The following ARL15 variants were observed in gnomAD, a reference collection of about 807,000 sequenced individuals.
The protein encoded by ARL15 is ARF like GTPase 15, also known as ADP-ribosylation factor-like protein 15.
A neutral mutation model predicts 25.2 loss-of-function variants in ARL15; 19 were observed. The observed-to-expected ratio is 0.75, with a 90% CI of 0.53 to 1.10. The LOEUF is 1.10. Among genes scored for constraint, ARL15 ranks in the 50% least tolerant of loss-of-function variants. The pLI, the probability that ARL15 is intolerant of heterozygous loss-of-function variation, is 0.00. For missense variants in ARL15, 220 were observed against 246.0 expected, an observed-to-expected ratio of 0.89 and a Z score of 0.71; for synonymous variants, 94 against 86.8, an observed-to-expected ratio of 1.08 and a Z score of -0.46.
At chr5:53,956,294 C>T (rs1433577648) in intron 4 of ARL15, among the ~76,000 whole-genome samples, 1 of 151,670 alleles carries the variant, frequency 6.6e-6, no homozygotes, top group African/African-American at 2.4e-5. Context: ...ACAGCTGCAG[C>T]TTACAGCAAA....
rs543949208 is a variant in ARL15, at chr5:54,048,795, GA to G, written c.462+64406del. Among the ~76,000 whole-genome samples the G allele has an allele frequency of 1.3e-3, 175 of 139,572 alleles. 1 individual carries two copies. Among genetic ancestry groups the G allele is most frequent in the African/African-American group, 3.0e-3 (117 of 38,730 alleles). The allele number at this position is 139,572 out of a possible 152,430, so 91.6% of individuals were successfully genotyped here. ...TATTACCAGGTTGACTATGCTATAG[GA>G]AAAAAAAAAAAAACAACAGTCCGAC... On this transcript the variant is annotated intron_variant, in intron 4 of 4. Coordinates refer to ENST00000504924, the MANE Select transcript of ARL15 (RefSeq NM_019087.3).
intron 1 of ARL15, among the ~76,000 whole-genome samples, chr5:54,174,243 T>C (rs1754801228): frequency 6.6e-6 from 1 of 152,056 alleles, no homozygotes; most frequent in African/African-American, 2.4e-5. Context: ...AAAGAAAACA[T>C]AGAGACTAAC....
At chr5:54,134,625 G>A (rs936217474) in intron 3 of ARL15, among the ~76,000 whole-genome samples, 6 of 110,012 alleles carry the variant, frequency 5.5e-5, no homozygotes, top group South Asian at 6.5e-4. Context: ...TTGCTCTCTC[G>A]CCAGGCTGGA....
At chr5:53,991,560 AAGG>A (rs1561179575) in intron 4 of ARL15, among the ~76,000 whole-genome samples, 1 of 131,430 alleles carries the variant, frequency 7.6e-6, no homozygotes, top group Non-Finnish European at 1.6e-5. Flanking sequence ...AAAAAAAAAA[AAGG>A]GGGGGCGGGG....
intron 1 of ARL15, among the ~76,000 whole-genome samples, chr5:54,225,229 AG>A (rs1167795448): frequency 5.3e-5 from 8 of 152,222 alleles, no homozygotes; most frequent in Admixed American, 2.0e-4. Context: ...AGGTTTAAAA[AG>A]AGACTGAAAA....
At chr5:53,921,861 C>T (rs1355346420) in intron 4 of ARL15, among the ~76,000 whole-genome samples, 1 of 152,210 alleles carries the variant, frequency 6.6e-6, no homozygotes, top group Non-Finnish European at 1.5e-5. Flanking sequence ...TTGACAATCA[C>T]TATGTGCCAT....
At chr5:54,197,123 G>T (rs531259581) in intron 1 of ARL15, among the ~76,000 whole-genome samples, 10 of 148,526 alleles carry the variant, frequency 6.7e-5, no homozygotes, top group South Asian at 2.2e-4. Flanking sequence ...TTTTCAGTTT[G>T]TTTTTTTTTT....
chr5:53,913,207 G>A (rs1745522337), intron 4 of ARL15, among the ~76,000 whole-genome samples: 1 of 152,208 alleles, frequency 6.6e-6, no homozygotes, highest in Non-Finnish European at 1.5e-5. Context: ...GGAGGCTGAG[G>A]TGGGAGGATT....
chr5:53,906,230 A>C (rs1483116332), intron 4 of ARL15, among the ~76,000 whole-genome samples: 2 of 152,220 alleles, frequency 1.3e-5, no homozygotes, highest in Non-Finnish European at 2.9e-5. Flanking sequence ...GTAGTAACCT[A>C]CTTACAGGTT....
chr5:53,896,326 G>A (rs1373853842), intron 4 of ARL15, among the ~76,000 whole-genome samples: 3 of 152,018 alleles, frequency 2.0e-5, no homozygotes, highest in Admixed American at 6.6e-5. Flanking sequence ...GAGCCACCAC[G>A]CCCAGCCTAT....
intron 4 of ARL15, among the ~76,000 whole-genome samples, chr5:53,998,358 C>A (rs966405028): frequency 6.6e-6 from 1 of 151,958 alleles, no homozygotes; most frequent in Non-Finnish European, 1.5e-5. Flanking sequence ...GACTGGCTGG[C>A]CTCAGCCCTT....
chr5:54,000,356 C>T (rs1306048205), intron 4 of ARL15, among the ~76,000 whole-genome samples: 2 of 152,130 alleles, frequency 1.3e-5, no homozygotes, highest in Non-Finnish European at 2.9e-5. Flanking sequence ...AATAAATGGA[C>T]ATCACGTCTG....
intron 4 of ARL15, among the ~76,000 whole-genome samples, chr5:54,106,623 T>C (rs958190417): frequency 2.0e-5 from 3 of 152,210 alleles, no homozygotes; most frequent in Non-Finnish European, 2.9e-5. Flanking sequence ...ATAGTTGTTA[T>C]ACTGTATTAT....
chr5:53,947,158 A>G (rs1746766475), intron 4 of ARL15, among the ~76,000 whole-genome samples: 2 of 143,488 alleles, frequency 1.4e-5, no homozygotes, highest in Admixed American at 7.1e-5. Flanking sequence ...AAAGAGAAAA[A>G]TAAATAAGGG....
At chr5:54,191,210 G>A (rs374332579) in intron 1 of ARL15, among the ~76,000 whole-genome samples, 1 of 152,090 alleles carries the variant, frequency 6.6e-6, no homozygotes, top group African/African-American at 2.4e-5. Context: ...CCAGCCAGCC[G>A]TAAAAAAGAC....
intron 4 of ARL15, among the ~76,000 whole-genome samples, chr5:53,966,578 G>A (rs1340084760): frequency 2.0e-5 from 3 of 152,168 alleles, no homozygotes; most frequent in Admixed American, 2.0e-4. Context: ...ACCCCAGCAT[G>A]TGGGATCTCA....
intron 1 of ARL15, among the ~76,000 whole-genome samples, chr5:54,233,791 G>C (rs977496218): frequency 6.6e-6 from 1 of 152,116 alleles, no homozygotes; most frequent in Admixed American, 6.5e-5. Context: ...TCATAGCTGC[G>C]TGGGGTTGAA....
At chr5:54,062,316 G>C (rs901362777) in intron 4 of ARL15, among the ~76,000 whole-genome samples, 1 of 152,074 alleles carries the variant, frequency 6.6e-6, no homozygotes, top group African/African-American at 2.4e-5. Flanking sequence ...GGCATGACTT[G>C]TTTTGAAATG....
intron 4 of ARL15, among the ~76,000 whole-genome samples, chr5:53,934,670 G>A (rs1004896471): frequency 1.3e-5 from 2 of 152,028 alleles, no homozygotes; most frequent in African/African-American, 4.8e-5. Context: ...AAAGATAAAA[G>A]CATCATTCTC....
Sources: gnomAD v4.1 joint callset for allele counts (sites outside exome capture counted in the v4.1 genomes callset) on GRCh38, gnomAD v4.1.1 for gene constraint, MANE v1.5 for transcripts, NCBI Gene and HGNC (gene_info 2026-07-23, HGNC 2026-07-21) for gene names.